Variants in CFAP54 observed in about 807,000 individuals in gnomAD.
CFAP54 encodes cilia- and flagella-associated protein 54.
A neutral mutation model predicts 370.4 loss-of-function variants in CFAP54; 290 were observed. That is an observed-to-expected ratio of 0.78 (90% CI 0.71 to 0.86). The LOEUF is 0.86. CFAP54 is among the 40% of genes least tolerant of loss of function. The probability of loss-of-function intolerance (pLI) is 0.00; values close to 1 mark genes in which losing one functional copy is unlikely to be tolerated. For missense variants in CFAP54, 3,399 were observed against 3,528.7 expected (o/e 0.96, Z 0.93); for synonymous variants, 1,206 against 1,236.5 (o/e 0.98, Z 0.52).
intron 2 of CFAP54, 50 bp downstream of exon 2, chr12:96,500,989 A>G (rs1955019638): frequency 8.8e-7 from 1 of 1,132,768 alleles, no homozygotes; most frequent in Non-Finnish European, 1.3e-6. Context: ...TTGGCTAATT[A>G]TTATTACAGT....
rs1235340144 is a variant in CFAP54 at position 96,689,627 on chromosome 12, T to C, written c.6081+645T>C. Among the ~76,000 whole-genome samples the C allele has an allele frequency of 2.0e-5, 3 of 152,230 alleles. No homozygotes were observed. The East Asian group carries it at 5.8e-4, about 29-fold the overall frequency. On this transcript the variant is annotated intron_variant, in intron 43 of 67. Transcript: ENST00000524981. ...TGCCTTAGGTTACCTCATCTCTAAA[T>C]TCAGTTTTGCTTGGTTATATGATAT...
At chr12:96,549,673 A>G (rs547692769) in intron 15 of CFAP54, among the ~76,000 whole-genome samples, 40 of 152,362 alleles carry the variant, frequency 2.6e-4, no homozygotes, top group African/African-American at 7.9e-4. Flanking sequence ...CTTTTTGAGT[A>G]TAAGTGTCCT....
chr12:96,850,867 A>C (rs912977070), intron 66 of CFAP54, among the ~76,000 whole-genome samples: 5 of 152,160 alleles, frequency 3.3e-5, no homozygotes, highest in Admixed American at 3.3e-4. Context: ...CTCCCTCGCT[A>C]TCAGGAGAAC....
At chr12:96,512,342 T>TATATAA (rs1955181765) in intron 4 of CFAP54, among the ~76,000 whole-genome samples, 1 of 94,154 alleles carries the variant, frequency 1.1e-5, no homozygotes, top group African/African-American at 3.9e-5. Context: ...TATATATATA[T>TATATAA]ATATATATGT....
chr12:96,694,007 C>T (rs2136568171), intron 45 of CFAP54, among the ~76,000 whole-genome samples, 199 bp downstream of exon 45: 1 of 151,736 alleles, frequency 6.6e-6, no homozygotes, highest in East Asian at 1.9e-4. Flanking sequence ...TATGCTTGGG[C>T]CACAGTAAAG....
chr12:96,802,194 C>T (rs1303789084), intron 63 of CFAP54, among the ~76,000 whole-genome samples: 2 of 152,064 alleles, frequency 1.3e-5, no homozygotes, highest in Non-Finnish European at 2.9e-5. Flanking sequence ...CAATACCCAC[C>T]ACCCTGCTAC....
At chr12:96,826,704 T>G (rs1296563831) in intron 65 of CFAP54, among the ~76,000 whole-genome samples, 1 of 111,150 alleles carries the variant, frequency 9.0e-6, no homozygotes, top group Non-Finnish European at 1.6e-5. Context: ...TTATAATATA[T>G]AAATTAATAT....
At chr12:96,621,517 G>A in intron 26 of CFAP54, 73 bp from the exon 27 acceptor site, 1 of 1,065,282 alleles carries the variant, frequency 9.4e-7, no homozygotes, top group Non-Finnish European at 1.2e-6. Flanking sequence ...TTGAATTTAT[G>A]GAAAATGATG....
At chr12:96,581,477 A>C (rs1001569600) in intron 22 of CFAP54, among the ~76,000 whole-genome samples, 2 of 152,208 alleles carry the variant, frequency 1.3e-5, no homozygotes, top group East Asian at 3.9e-4. Context: ...TTCAGTTGTC[A>C]CAAACTAGAG....
rs1016501110 is a variant in CFAP54 at position 96,641,640 on chromosome 12, G to A, written c.4317-2538G>A. Among the ~76,000 whole-genome samples, 8 of 152,206 alleles carry A rather than the reference G, an allele frequency of 5.3e-5. No homozygotes were observed. The East Asian group carries it at 5.8e-4, about 11-fold the overall frequency. ...AGACACATGCACACGTATGTTTATT[G>A]CGGCACTATTCACAATAGCAAAGAC... is the stretch of plus-strand genomic sequence containing the variant. On this transcript the variant is annotated intron_variant, in intron 32 of 67. Transcript: ENST00000524981.
intron 67 of CFAP54, among the ~76,000 whole-genome samples, chr12:96,870,278 A>G (rs1387982759): frequency 6.6e-6 from 1 of 152,156 alleles, no homozygotes; most frequent in Non-Finnish European, 1.5e-5. Flanking sequence ...AAAAAAAAGA[A>G]AACAGATTAT....
chr12:96,734,265 T>C (rs1295349216), intron 50 of CFAP54, among the ~76,000 whole-genome samples: 1 of 152,154 alleles, frequency 6.6e-6, no homozygotes, highest in Non-Finnish European at 1.5e-5. Context: ...TCCTGGCCAA[T>C]TCAATACATT....
At chr12:96,683,022 A>G (rs183221774) in intron 40 of CFAP54, among the ~76,000 whole-genome samples, 1 of 152,260 alleles carries the variant, frequency 6.6e-6, no homozygotes, top group East Asian at 1.9e-4. Flanking sequence ...CTTAACCCAT[A>G]CGATAGACCC....
At position 96,697,174 on chromosome 12, in the gene CFAP54, G is replaced by A. The variant is rs529355266; in HGVS notation, c.6352-2797G>A. 2.6e-5 allele frequency among the ~76,000 whole-genome samples: 4 copies of A among 152,296 alleles called. No homozygotes were observed. In the South Asian group the frequency reaches 8.3e-4, roughly 32 times the overall value. The stretch of plus-strand genomic sequence containing the variant: ...TGTCTGGCTTGTTTGTGTTTGCAGT[G>A]TTGGTCACCTCTGAAAATATATGTC... On this transcript the variant is annotated intron_variant, in intron 45 of 67. Coordinates refer to ENST00000524981, the MANE Select transcript of CFAP54 (RefSeq NM_001306084.2).
At chr12:96,614,807 T>C (rs1194938739) in intron 26 of CFAP54, among the ~76,000 whole-genome samples, 1 of 152,228 alleles carries the variant, frequency 6.6e-6, no homozygotes, top group East Asian at 1.9e-4. Flanking sequence ...TTACAAGGGA[T>C]GTGAAGGACC....
At chr12:96,864,274 A>G (rs961260941) in intron 67 of CFAP54, among the ~76,000 whole-genome samples, 1 of 152,210 alleles carries the variant, frequency 6.6e-6, no homozygotes, top group African/African-American at 2.4e-5. Context: ...GAACAGACAC[A>G]GGCGAGGGAA....
At chr12:96,542,019 C>T (rs1255121974) in intron 14 of CFAP54, among the ~76,000 whole-genome samples, 1 of 152,128 alleles carries the variant, frequency 6.6e-6, no homozygotes, top group Non-Finnish European at 1.5e-5. Context: ...CCTCTGGTTG[C>T]AGCCCTGTAC....
intron 66 of CFAP54, among the ~76,000 whole-genome samples, chr12:96,845,316 T>C (rs1308678004): frequency 1.3e-5 from 2 of 152,232 alleles, no homozygotes; most frequent in African/African-American, 4.8e-5. Context: ...ATTGGTAGTA[T>C]AACCACTAAA....
At chr12:96,496,367 G>C (rs561777636) in intron 1 of CFAP54, among the ~76,000 whole-genome samples, 34 of 152,318 alleles carry the variant, frequency 2.2e-4, no homozygotes, top group African/African-American at 7.9e-4. Flanking sequence ...AAATACTACA[G>C]ACCAGGTGGC....
Sources: allele counts gnomAD v4.1 joint callset (sites outside exome capture counted in the v4.1 genomes callset), GRCh38; gene constraint gnomAD v4.1.1; transcripts MANE v1.5; gene names NCBI Gene and HGNC (gene_info 2026-07-23, HGNC 2026-07-21).